Variants in LRRC2 observed in about 807,000 individuals in gnomAD.
LRRC2 encodes the protein leucine-rich repeat-containing protein 2.
In LRRC2, 27 loss-of-function variants were observed where a neutral mutation model predicts 40.2. That is an observed-to-expected ratio of 0.67 (90% CI 0.49 to 0.93). LRRC2 has a LOEUF of 0.93. Ranked by LOEUF, LRRC2 falls within the 40% of genes least tolerant of loss-of-function variation. LRRC2 has a pLI of 0.00. For missense variants in LRRC2, 402 were observed against 439.6 expected (o/e 0.91, Z 0.76); for synonymous variants, 147 against 158.9 (o/e 0.92, Z 0.56).
At chr3:46,541,654 C>T (rs1236643056) in intron 3 of LRRC2, among the ~76,000 whole-genome samples, 1 of 152,148 alleles carries the variant, frequency 6.6e-6, no homozygotes, top group African/African-American at 2.4e-5. Flanking sequence ...TCACCAGAAG[C>T]CACCAGAGAC....
intron 1 of LRRC2, among the ~76,000 whole-genome samples, chr3:46,552,790 A>G (rs1045377983): frequency 6.6e-6 from 1 of 152,212 alleles, no homozygotes; most frequent in African/African-American, 2.4e-5. Context: ...GCCTGGAGAC[A>G]TGTCCTCTGA....
chr3:46,524,808 A>G (rs1704027051), intron 7 of LRRC2, among the ~76,000 whole-genome samples: 1 of 152,056 alleles, frequency 6.6e-6, no homozygotes, highest in African/African-American at 2.4e-5. Flanking sequence ...TATACCATAT[A>G]TTTGTGATAT....
chr3:46,558,784 GAA>G (rs1704871464), intron 1 of LRRC2: 1 of 152,206 alleles, frequency 6.6e-6, no homozygotes, highest in African/African-American at 2.4e-5. Flanking sequence ...AAGAAAGTAA[GAA>G]AGCGTGACGG....
chr3:46,552,518 C>T lies in LRRC2; in HGVS notation c.-19-908G>A, dbSNP rs150078180. Among the ~76,000 whole-genome samples, 11 of 152,204 alleles carry T rather than the reference C, an allele frequency of 7.2e-5. No homozygotes were observed. In the East Asian group the frequency reaches 2.1e-3, roughly 29 times the overall value. ...GTATAGGACATGAGGCACGTAACAGCGACTTTCTTCCGTAACCCATCACCT... is the reference window on the plus strand; with the variant it reads ...GTATAGGACATGAGGCACGTAACAGTGACTTTCTTCCGTAACCCATCACCT... On this transcript the variant is annotated intron_variant, in intron 1 of 8. Coordinates refer to ENST00000395905, the MANE Select transcript of LRRC2 (RefSeq NM_024512.5).
chr3:46,556,437 G>A (rs916241156), intron 1 of LRRC2, among the ~76,000 whole-genome samples: 7 of 151,880 alleles, frequency 4.6e-5, no homozygotes, highest in Admixed American at 2.0e-4. Context: ...AAATTTTTTC[G>A]TCTTTGGGTT....
At position 46,516,363 on chromosome 3, in the gene LRRC2, G is replaced by C. The variant is rs531180838; in HGVS notation, c.*2651C>G. The C allele has an allele frequency of 6.6e-6, 1 of 152,140 alleles. No homozygotes were observed. Among genetic ancestry groups the C allele is most frequent in the African/African-American group, 2.4e-5 (1 of 41,490 alleles). The allele number at this position is 152,140 out of a possible 1,614,324, so 9.4% of individuals were successfully genotyped here. On this transcript the variant is annotated 3_prime_UTR_variant, in exon 9 of 9. Coordinates refer to ENST00000395905, the MANE Select transcript of LRRC2 (RefSeq NM_024512.5). ...AGAATGCTCTGCCTGTTTTACACCT[G>C]TTGAGAATAAAATGTTTGGACTTAT... is the stretch of plus-strand genomic sequence containing the variant.
At chr3:46,533,739 TTCCTTC>T (rs765429454) in intron 4 of LRRC2, among the ~76,000 whole-genome samples, 18,842 of 148,502 alleles carry the variant, frequency 0.13, 1,271 homozygotes, top group South Asian at 0.14. Context: ...CCTTCCTTCC[TTCCTTC>T]CTTCTTCCTT....
chr3:46,521,447 T>C, intron 8 of LRRC2, 75 bp downstream of exon 8: 1 of 1,221,622 alleles, frequency 8.2e-7, no homozygotes, highest in Non-Finnish European at 1.1e-6. Flanking sequence ...TCAATTTGAC[T>C]TCTATTAACA....
In LRRC2 at chr3:46,551,626, A is replaced by G. The variant is rs1365802138; in HGVS notation, c.-19-16T>C. On this transcript the variant is annotated splice_polypyrimidine_tract_variant and intron_variant, in intron 1 of 8. Coordinates refer to ENST00000395905, the MANE Select transcript of LRRC2 (RefSeq NM_024512.5). ...ATGAAATTACCTATTTAAAAAATAT[A>G]TAGATATGTCAGCTTGATACACAAA... 1.9e-6 allele frequency: 3 copies of G among 1,584,612 alleles called. No individual in the cohort carries two copies. The highest frequency in any genetic ancestry group is 2.7e-5 in the African/African-American group (2 of 73,770).
rs142280902 is a variant in LRRC2 at position 46,531,506 on chromosome 3, G to A, written c.627+1267C>T. ...GTGGCAGTGGGAAGGTGATGAGAAC[G>A]GTTAGACAGAATATATTCTGGAGGG... On this transcript the variant is annotated intron_variant, in intron 5 of 8. Transcript: ENST00000395905. Among the ~76,000 whole-genome samples the A allele has an allele frequency of 6.5e-4, 99 of 152,256 alleles. 1 individual carries two copies. Among genetic ancestry groups the A allele is most frequent in the African/African-American group, 2.2e-3 (92 of 41,536 alleles).
At chr3:46,532,954 G>T (rs1328857759) in intron 4 of LRRC2, 45 bp from the exon 5 acceptor site, 1 of 1,591,674 alleles carries the variant, frequency 6.3e-7, no homozygotes, top group Non-Finnish European at 8.5e-7. Context: ...GTCGTTTAAG[G>T]TCTTTTAAGA....
chr3:46,553,075 G>C (rs1359004028), intron 1 of LRRC2, among the ~76,000 whole-genome samples: 1 of 151,940 alleles, frequency 6.6e-6, no homozygotes, highest in Non-Finnish European at 1.5e-5. Flanking sequence ...GAATGAATGA[G>C]TAAATAAAAG....
intron 4 of LRRC2, among the ~76,000 whole-genome samples, chr3:46,536,664 G>A (rs542768504): frequency 6.6e-6 from 1 of 152,324 alleles, no homozygotes; most frequent in East Asian, 1.9e-4. Flanking sequence ...TGTACCCAGA[G>A]ATTCCTATGG....
chr3:46,534,365 T>C (rs1433758077), intron 4 of LRRC2, among the ~76,000 whole-genome samples: 2 of 152,200 alleles, frequency 1.3e-5, no homozygotes, highest in Non-Finnish European at 2.9e-5. Context: ...TTTACTATTG[T>C]AAATAGTGCT....
intron 7 of LRRC2, 23 bp from the exon 8 acceptor site, chr3:46,521,681 T>C (rs368918171): frequency 5.0e-6 from 8 of 1,598,336 alleles, no homozygotes; most frequent in Non-Finnish European, 6.8e-6. Flanking sequence ...GCATGGGAAG[T>C]ATCACATTAT....
chr3:46,530,817 C>T (rs1704146241), intron 5 of LRRC2, among the ~76,000 whole-genome samples: 1 of 152,172 alleles, frequency 6.6e-6, no homozygotes, highest in African/African-American at 2.4e-5. Flanking sequence ...AGGTCCCTCC[C>T]ACAACGTGTG....
At chr3:46,519,099 A>C (rs1044930246) in intron 8 of LRRC2, 36 bp from the exon 9 acceptor site, 1 of 1,450,886 alleles carries the variant, frequency 6.9e-7, no homozygotes, top group African/African-American at 1.4e-5. Flanking sequence ...TCAATCATTC[A>C]CCATTTTATT....
chr3:46,549,733 A>G (rs1420354839), intron 2 of LRRC2, among the ~76,000 whole-genome samples: 2 of 152,236 alleles, frequency 1.3e-5, no homozygotes, highest in African/African-American at 4.8e-5. Context: ...GGTGTCTGCA[A>G]ATGGCTCCTC....
chr3:46,544,412 G>A (rs116726538), intron 3 of LRRC2, among the ~76,000 whole-genome samples: 2,372 of 152,196 alleles, frequency 0.016, 30 homozygotes, highest in Middle Eastern at 0.031. Flanking sequence ...CCAGCTCCTC[G>A]GGAAACTGAG....
Sources: gnomAD v4.1 joint callset for allele counts (sites outside exome capture counted in the v4.1 genomes callset) on GRCh38, gnomAD v4.1.1 for gene constraint, MANE v1.5 for transcripts, NCBI Gene and HGNC (gene_info 2026-07-23, HGNC 2026-07-21) for gene names.